The following NCOR2 variants were observed in gnomAD, a reference collection of about 807,000 sequenced individuals.
NCOR2 encodes CTG repeat protein 26.
NCOR2 carries 81 observed loss-of-function variants against 262.9 expected under a neutral mutation model. The ratio of observed to expected loss-of-function variants is 0.31; its 90% confidence interval spans 0.26 to 0.37. The LOEUF (loss-of-function observed/expected upper bound fraction) is 0.37. NCOR2 is among the 10% of genes least tolerant of loss of function. The pLI, the probability that NCOR2 is intolerant of heterozygous loss-of-function variation, is 1.00. For synonymous variants in NCOR2, 1,659 were observed against 1,559.3 expected, an observed-to-expected ratio of 1.06 and a Z score of -1.51; for missense variants, 3,385 against 3,621.4, an observed-to-expected ratio of 0.93 and a Z score of 1.68.
At chr12:124,545,914 C>G (rs2051530031) in intron 1 of NCOR2, among the ~76,000 whole-genome samples, 1 of 152,214 alleles carries the variant, frequency 6.6e-6, no homozygotes, top group South Asian at 2.1e-4. Context: ...GGCCCCACCT[C>G]AGAGTCTCCG....
chr12:124,451,968 G>A (rs558576535), intron 6 of NCOR2, among the ~76,000 whole-genome samples: 1 of 152,234 alleles, frequency 6.6e-6, no homozygotes, highest in South Asian at 2.1e-4. Context: ...TCACCACTGG[G>A]CTCGGGCAAT....
intron 13 of NCOR2, among the ~76,000 whole-genome samples, chr12:124,409,969 G>A (rs891030958): frequency 7.3e-5 from 11 of 151,646 alleles, no homozygotes; most frequent in East Asian, 1.9e-4. Flanking sequence ...ATGAGCCACC[G>A]CACCGGGGTG....
intron 1 of NCOR2, among the ~76,000 whole-genome samples, chr12:124,488,839 G>A (rs1046885195): frequency 9.8e-5 from 15 of 152,308 alleles, no homozygotes; most frequent in Non-Finnish European, 1.8e-4. Context: ...GCCCGATAGT[G>A]CCCACGGCAG....
intron 3 of NCOR2, among the ~76,000 whole-genome samples, chr12:124,476,865 A>C (rs2047127134): frequency 6.6e-6 from 1 of 151,560 alleles, no homozygotes; most frequent in Admixed American, 6.6e-5. Flanking sequence ...CAGGAGTTCA[A>C]GACCGCCTGG....
chr12:124,405,208 A>T (rs76434065), intron 13 of NCOR2, among the ~76,000 whole-genome samples: 3,351 of 152,244 alleles, frequency 0.022, 66 homozygotes, highest in Middle Eastern at 0.058. Context: ...TCGATCGCTC[A>T]TGGCACCACG....
At chr12:124,333,734 C>A (rs925655641) in intron 41 of NCOR2, among the ~76,000 whole-genome samples, 3 of 152,196 alleles carry the variant, frequency 2.0e-5, no homozygotes, top group Non-Finnish European at 4.4e-5. Context: ...CTTTTGACCC[C>A]CAGAGGCCCC....
intron 1 of NCOR2, among the ~76,000 whole-genome samples, chr12:124,530,789 A>G (rs2050733350): frequency 2.0e-5 from 3 of 152,238 alleles, no homozygotes; most frequent in Admixed American, 2.0e-4. Flanking sequence ...AGTAAAATGA[A>G]CCAAAGTGAA....
chr12:124,504,918 C>T lies in NCOR2; in HGVS notation c.-117-9550G>A, dbSNP rs1410558396. Among the ~76,000 whole-genome samples, 2 of 152,142 alleles carry T rather than the reference C, an allele frequency of 1.3e-5. No homozygotes were observed. The highest frequency in any genetic ancestry group is 2.4e-5 in the African/African-American group (1 of 41,424). On this transcript the variant is annotated intron_variant, in intron 1 of 46. Transcript: ENST00000404621. The surrounding 1 kb of genome is among the most constrained non-coding windows in gnomAD (Gnocchi z 4.5). The stretch of plus-strand genomic sequence containing the variant: ...GGTTTAATGGGTTTGGGGTTTCCTT[C>T]TGGGAGGATGAAACTGTTTTGGAAT...
intron 18 of NCOR2, among the ~76,000 whole-genome samples, chr12:124,376,998 C>T (rs1223220745): frequency 6.6e-6 from 1 of 152,212 alleles, no homozygotes; most frequent in Non-Finnish European, 1.5e-5. Flanking sequence ...GCAGTCTAGA[C>T]CCCCAGCTTC....
intron 15 of NCOR2, among the ~76,000 whole-genome samples, chr12:124,400,265 A>G (rs935333532): frequency 2.0e-5 from 3 of 152,044 alleles, no homozygotes; most frequent in Admixed American, 2.0e-4. Context: ...CGTTAGAGGT[A>G]ACCACCGATT....
Position 124,471,541 on chromosome 12 carries a change from C to A in NCOR2, c.591+1411G>T, listed in dbSNP as rs1593703694. ...TATATTAATTCAAATAATGATGTCA[C>A]CAGCAGGGTGATGAGACAGATCAGT... On this transcript the variant is annotated intron_variant, in intron 4 of 46. Transcript: ENST00000405201. Among the ~76,000 whole-genome samples, 4 of 152,342 alleles carry A rather than the reference C, an allele frequency of 2.6e-5. No homozygotes were observed. In the South Asian group the frequency reaches 8.3e-4, roughly 32 times the overall value.
chr12:124,486,475 A>T (rs1472611057), exon 2 of NCOR2: 2 of 1,612,178 alleles, frequency 1.2e-6, no homozygotes, highest in Non-Finnish European at 1.7e-6. Context: ...GACAGCAGGG[A>T]GGGCCTCCGC....
chr12:124,350,582 C>A lies in NCOR2; in HGVS notation c.3844+5G>T. ...TCCTGGGCCTCCTCTCCTCCTGCGACTCACCCTCATAGGACAAGACGTGGC... is the reference window on the plus strand; with the variant it reads ...TCCTGGGCCTCCTCTCCTCCTGCGAATCACCCTCATAGGACAAGACGTGGC... On this transcript the variant is annotated splice_donor_5th_base_variant and intron_variant, in intron 28 of 46. Transcript: ENST00000405201. The A allele has an allele frequency of 6.2e-7, 1 of 1,611,542 alleles. No homozygotes were observed. The highest frequency in any genetic ancestry group is 8.5e-7 in the Non-Finnish European group (1 of 1,178,234).
rs147853933 is a variant in NCOR2, at chr12:124,466,062, G to A, written c.705+111C>T. On this transcript the variant is annotated intron_variant, in intron 5 of 46. Coordinates refer to ENST00000405201, the Ensembl canonical transcript of NCOR2. ...CTGCGTCTCTGGGGGAGAGGGTGGC[G>A]AGGTCCCCTCCCCACATAGATGGAA... is the stretch of plus-strand genomic sequence containing the variant. The A allele has an allele frequency of 1.9e-4, 207 of 1,062,370 alleles. 1 individual carries two copies. In the African/African-American group the frequency reaches 2.5e-3, roughly 13 times the overall value. 65.8% of individuals were successfully genotyped at this position (1,062,370 alleles called of 1,614,324 possible).
chr12:124,559,781 C>T (rs2052009388), intron 1 of NCOR2, among the ~76,000 whole-genome samples: 1 of 152,208 alleles, frequency 6.6e-6, no homozygotes, highest in African/African-American at 2.4e-5. Flanking sequence ...AGAAAGCAGG[C>T]TGCAAAATTT....
At chr12:124,362,055 GAC>G in intron 22 of NCOR2, 69 bp downstream of exon 24, 1 of 1,215,940 alleles carries the variant, frequency 8.2e-7, no homozygotes. Flanking sequence ...AGCTGCTCTA[GAC>G]ACACAAACAT....
At chr12:124,544,649 G>C (rs2051484842) in intron 1 of NCOR2, among the ~76,000 whole-genome samples, 1 of 152,184 alleles carries the variant, frequency 6.6e-6, no homozygotes, top group Non-Finnish European at 1.5e-5. Context: ...CCCGGGCCCA[G>C]GGTAGGTCAG....
intron 20 of NCOR2, among the ~76,000 whole-genome samples, chr12:124,368,467 C>T (rs571170311): frequency 3.9e-5 from 6 of 152,260 alleles, no homozygotes; most frequent in Non-Finnish European, 7.4e-5. Context: ...CATCCCTTGC[C>T]TCTCCAAGGC....
chr12:124,339,897 A>ACCCCCCCCC, intron 37 of NCOR2, 109 bp downstream of exon 39: 6 of 176,232 alleles, frequency 3.4e-5, no homozygotes, highest in South Asian at 4.4e-5. Context: ...ACATCTGCCC[A>ACCCCCCCCC]CCCACCCACC....
Sources: allele counts gnomAD v4.1 joint callset (sites outside exome capture counted in the v4.1 genomes callset), GRCh38; gene constraint gnomAD v4.1.1; non-coding constraint Gnocchi (gnomAD v3.1); transcripts MANE v1.5; gene names NCBI Gene and HGNC (gene_info 2026-07-23, HGNC 2026-07-21).